The following SCP2 variants were observed in gnomAD, a reference collection of about 807,000 sequenced individuals.
SCP2 encodes the protein SCP-2/3-oxoacyl-CoA thiolase.
A neutral mutation model predicts 71.4 loss-of-function variants in SCP2; 48 were observed. The ratio of observed to expected loss-of-function variants is 0.67; its 90% confidence interval spans 0.53 to 0.86. SCP2 has a LOEUF of 0.86. Ranked by LOEUF, SCP2 falls within the 40% of genes least tolerant of loss-of-function variation. The pLI is 0.00. For missense variants in SCP2, 560 were observed against 655.6 expected (o/e 0.85, Z 1.59); for synonymous variants, 220 against 218.1 (o/e 1.01, Z -0.08).
chr1:52,938,770 A>G (rs1475484957), intron 1 of SCP2, among the ~76,000 whole-genome samples: 2 of 152,214 alleles, frequency 1.3e-5, no homozygotes, highest in Non-Finnish European at 1.5e-5. Context: ...TACATTTGTT[A>G]TGATCGATGA....
At chr1:52,990,782 A>G (rs906439933) in intron 11 of SCP2, among the ~76,000 whole-genome samples, 13 of 152,012 alleles carry the variant, frequency 8.6e-5, no homozygotes, top group Non-Finnish European at 1.3e-4. Flanking sequence ...GGTGGAGAAG[A>G]AGAACCATTT....
intron 10 of SCP2, among the ~76,000 whole-genome samples, chr1:52,985,649 A>G (rs1440683314): frequency 7.9e-5 from 12 of 152,190 alleles, no homozygotes. Flanking sequence ...CAAGCCAAAT[A>G]TGATCTGTCC....
chr1:53,050,696 A>G lies in SCP2; in HGVS notation c.1636A>G (p.Lys546Glu). Reference sequence around the variant, plus strand: ...TCTTCAGCTTCAGCCAGGCAACGCTAAGCTCTGAAGAACTCCCTTTGGCTA... The same window carrying G: ...TCTTCAGCTTCAGCCAGGCAACGCTGAGCTCTGAAGAACTCCCTTTGGCTA... Reference protein sequence around the residue: ...QNLQLQPGNAKL With the variant: ...QNLQLQPGNAEL The change falls in exon 16 of 16, where the codon AAG becomes GAG. Residue 546 changes from lysine to glutamate, a missense_variant. Transcript: ENST00000371514. 4.4e-6 allele frequency: 7 copies of G among 1,607,766 alleles called. No homozygotes were observed. Among genetic ancestry groups the G allele is most frequent in the Non-Finnish European group, 6.0e-6 (7 of 1,174,314 alleles).
intron 13 of SCP2, among the ~76,000 whole-genome samples, chr1:53,037,906 A>ACACACC (rs1553155271): frequency 6.3e-5 from 8 of 127,534 alleles, no homozygotes; most frequent in African/African-American, 2.6e-4. Context: ...ACACACACAC[A>ACACACC]CACACACACA....
chr1:53,026,875 T>C (rs1662168020), intron 12 of SCP2, among the ~76,000 whole-genome samples: 1 of 150,710 alleles, frequency 6.6e-6, no homozygotes, highest in Non-Finnish European at 1.5e-5. Context: ...ATTTGAGGAC[T>C]GCAGGGAGAC....
intron 6 of SCP2, among the ~76,000 whole-genome samples, chr1:52,968,758 G>A (rs1272316328): frequency 2.0e-5 from 3 of 152,032 alleles, no homozygotes; most frequent in Admixed American, 6.6e-5. Flanking sequence ...AACAACAGGG[G>A]GTTTAGTGGT....
chr1:52,950,897 C>T lies in SCP2; in HGVS notation c.331+11C>T. Reference sequence around the variant, plus strand: ...AGCTGATTCAGGGTGGTAAGGAGTGCTTGTCTAGTGTACTTAAATATTGCC... The same window carrying T: ...AGCTGATTCAGGGTGGTAAGGAGTGTTTGTCTAGTGTACTTAAATATTGCC... On this transcript the variant is annotated intron_variant, in intron 4 of 15. Coordinates refer to ENST00000371514, the MANE Select transcript of SCP2 (RefSeq NM_002979.5). 1.2e-6 allele frequency: 2 copies of T among 1,613,024 alleles called. No homozygotes were observed. The highest frequency in any genetic ancestry group is 1.7e-6 in the Non-Finnish European group (2 of 1,179,116).
At chr1:53,000,825 C>T (rs1027544585) in intron 11 of SCP2, among the ~76,000 whole-genome samples, 7 of 152,002 alleles carry the variant, frequency 4.6e-5, no homozygotes, top group African/African-American at 1.7e-4. Context: ...CCTGATGGTG[C>T]ATACCTGTAG....
chr1:52,985,039 C>T (rs1347526362), intron 10 of SCP2, among the ~76,000 whole-genome samples: 2 of 151,634 alleles, frequency 1.3e-5, no homozygotes, highest in Non-Finnish European at 2.9e-5. Flanking sequence ...GACGGGATTT[C>T]ACCATGTTGG....
At chr1:52,947,806 G>A (rs1284239085) in intron 2 of SCP2, among the ~76,000 whole-genome samples, 12 of 152,252 alleles carry the variant, frequency 7.9e-5, no homozygotes, top group African/African-American at 2.4e-4. Context: ...AAGGAGATAC[G>A]GAAAAGTGAT....
At chr1:52,973,938 TG>T (rs1197924157) in intron 6 of SCP2, among the ~76,000 whole-genome samples, 6 of 152,324 alleles carry the variant, frequency 3.9e-5, no homozygotes, top group African/African-American at 1.4e-4. Context: ...ATCACAAGTG[TG>T]GAATTTATCT....
chr1:52,996,049 G>A, intron 11 of SCP2: 2 of 1,220,458 alleles, frequency 1.6e-6, no homozygotes, highest in Non-Finnish European at 2.1e-6. Context: ...ATCGCCTCAG[G>A]CTTCTCAGTT....
intron 10 of SCP2, among the ~76,000 whole-genome samples, chr1:52,981,645 T>A (rs1658510152): frequency 6.6e-6 from 1 of 151,856 alleles, no homozygotes; most frequent in South Asian, 2.1e-4. Flanking sequence ...TTGCGCGGGC[T>A]GTTCTCAAAC....
chr1:52,953,290 T>A (rs1321280441), intron 4 of SCP2, among the ~76,000 whole-genome samples: 1 of 152,134 alleles, frequency 6.6e-6, no homozygotes, highest in Non-Finnish European at 1.5e-5. Context: ...AACATGAAAT[T>A]TTATTAACAT....
chr1:53,011,193 G>A (rs1397540926), intron 11 of SCP2, among the ~76,000 whole-genome samples: 1 of 152,064 alleles, frequency 6.6e-6, no homozygotes, highest in African/African-American at 2.4e-5. Context: ...TGTTGTTTTT[G>A]GAAAAGCATT....
chr1:52,995,512 A>G, intron 11 of SCP2: 2 of 440,052 alleles, frequency 4.5e-6, no homozygotes, highest in South Asian at 4.0e-5. Flanking sequence ...CCACTACTTC[A>G]TGGCTGGCTT....
rs186655111 is a variant in SCP2, at chr1:52,974,008, C to T, written c.524-761C>T. Among the ~76,000 whole-genome samples the T allele has an allele frequency of 2.0e-5, 3 of 152,244 alleles. No homozygotes were observed. The East Asian group carries it at 5.8e-4, about 29-fold the overall frequency. On this transcript the variant is annotated intron_variant, in intron 6 of 15. Coordinates refer to ENST00000371514, the MANE Select transcript of SCP2 (RefSeq NM_002979.5). ...TAATTATATGTATGTCATTTTTGCT[C>T]TGAAGATCATCCTCCTTGATAGAGA...
chr1:52,987,971 A>C (rs964443860), intron 10 of SCP2, 58 bp from the exon 11 acceptor site: 4 of 900,976 alleles, frequency 4.4e-6, no homozygotes, highest in Non-Finnish European at 7.5e-6. Flanking sequence ...TTATAAAAGC[A>C]TATCATTTGT....
intron 11 of SCP2, 59 bp downstream of exon 11, chr1:52,988,195 A>C: frequency 1.2e-6 from 1 of 860,440 alleles, no homozygotes; most frequent in Non-Finnish European, 2.0e-6. Context: ...AGTGTGAATG[A>C]GTTAGTCTTT....
Sources: gnomAD v4.1 joint callset for allele counts (sites outside exome capture counted in the v4.1 genomes callset) on GRCh38, gnomAD v4.1.1 for gene constraint, MANE v1.5 for transcripts, NCBI Gene and HGNC (gene_info 2026-07-23, HGNC 2026-07-21) for gene names.